CSMD1: variants seen among roughly 807,000 people sequenced by gnomAD.
CSMD1 encodes the protein CUB and sushi domain-containing protein 1.
CSMD1 carries 213 observed loss-of-function variants against 417.5 expected under a neutral mutation model. The ratio of observed to expected loss-of-function variants is 0.51; its 90% confidence interval spans 0.46 to 0.57. CSMD1 has a LOEUF of 0.57. CSMD1 is among the 20% of genes least tolerant of loss of function. The pLI is 0.00. For synonymous variants in CSMD1, 2,862 were observed against 1,736.8 expected, an observed-to-expected ratio of 1.65 and a Z score of -16.11; for missense variants, 6,923 against 4,529.7, an observed-to-expected ratio of 1.53 and a Z score of -15.17.
At chr8:3,448,427 G>GGAAGGAAGGGAGGGAAA in intron 12 of CSMD1, among the ~76,000 whole-genome samples, 1 of 147,144 alleles carries the variant, frequency 6.8e-6, no homozygotes, top group African/African-American at 2.5e-5. Flanking sequence ...AGGGAAGGAA[G>GGAAGGAAGGGAGGGAAA]AAGGAGCAAT....
chr8:3,584,882 A>C (rs1291902040), intron 9 of CSMD1, among the ~76,000 whole-genome samples: 1 of 152,196 alleles, frequency 6.6e-6, no homozygotes, highest in Non-Finnish European at 1.5e-5. Context: ...TGGGAACATG[A>C]ATTTTAGTAC....
intron 3 of CSMD1, among the ~76,000 whole-genome samples, chr8:4,303,005 C>T (rs1380908692): frequency 6.6e-6 from 1 of 151,758 alleles, no homozygotes; most frequent in Non-Finnish European, 1.5e-5. Flanking sequence ...ACACAAAATC[C>T]AAGAAAATCA....
intron 10 of CSMD1, among the ~76,000 whole-genome samples, chr8:3,563,240 A>G (rs1358104270): frequency 5.3e-5 from 8 of 151,922 alleles, no homozygotes; most frequent in African/African-American, 1.9e-4. Flanking sequence ...ACATCTCCGC[A>G]CAAACCGGGA....
intron 3 of CSMD1, among the ~76,000 whole-genome samples, chr8:4,153,120 G>T (rs1253506778): frequency 6.6e-6 from 1 of 152,156 alleles, no homozygotes; most frequent in Non-Finnish European, 1.5e-5. Context: ...AAGGAAAATG[G>T]CAATGTTGTA....
intron 2 of CSMD1, among the ~76,000 whole-genome samples, chr8:4,422,638 C>G (rs1487551305): frequency 6.6e-6 from 1 of 151,996 alleles, no homozygotes; most frequent in Non-Finnish European, 1.5e-5. Flanking sequence ...AAAAAATAAA[C>G]CTGTATTTCT....
chr8:3,140,710 G>A (rs1037453177), intron 41 of CSMD1, among the ~76,000 whole-genome samples: 2 of 146,476 alleles, frequency 1.4e-5, no homozygotes, highest in African/African-American at 5.2e-5. Flanking sequence ...AGGGAAACAA[G>A]TGATTTAACT....
chr8:3,247,947 C>G (rs1308574932), intron 26 of CSMD1, among the ~76,000 whole-genome samples: 2 of 152,174 alleles, frequency 1.3e-5, no homozygotes, highest in Non-Finnish European at 2.9e-5. Flanking sequence ...TTCTCAACCC[C>G]ATTACAACCA....
intron 2 of CSMD1, among the ~76,000 whole-genome samples, chr8:4,425,311 G>C (rs1320872402): frequency 6.6e-6 from 1 of 151,152 alleles, no homozygotes; most frequent in Non-Finnish European, 1.5e-5. Context: ...ACGTATGTAG[G>C]GAAAATATAT....
At chr8:4,842,326 A>C (rs1182975780) in intron 1 of CSMD1, among the ~76,000 whole-genome samples, 1 of 152,248 alleles carries the variant, frequency 6.6e-6, no homozygotes, top group East Asian at 1.9e-4. Flanking sequence ...CCAGAATTCT[A>C]CAATGGACTT....
chr8:3,914,812 C>T (rs1044867107), intron 5 of CSMD1, among the ~76,000 whole-genome samples: 34 of 152,046 alleles, frequency 2.2e-4, no homozygotes, highest in African/African-American at 8.0e-4. Context: ...TTGACATCTA[C>T]TCTACTGAGT....
intron 2 of CSMD1, among the ~76,000 whole-genome samples, chr8:4,433,881 TC>T (rs1798005960): frequency 1.3e-5 from 2 of 152,096 alleles, no homozygotes; most frequent in Admixed American, 6.6e-5. Flanking sequence ...CAGCCCCATT[TC>T]TTTGACAATC....
At chr8:3,969,061 G>C (rs776893908) in intron 5 of CSMD1, among the ~76,000 whole-genome samples, 31 of 152,110 alleles carry the variant, frequency 2.0e-4, no homozygotes, top group Non-Finnish European at 4.4e-4. Flanking sequence ...GACCAGCCTG[G>C]ACAACATGGT....
At chr8:3,125,078 C>A (rs1164790098) in intron 41 of CSMD1, among the ~76,000 whole-genome samples, 4 of 152,164 alleles carry the variant, frequency 2.6e-5, no homozygotes, top group Admixed American at 6.6e-5. Flanking sequence ...TCTCAAATGT[C>A]TTTTCCAAAC....
chr8:4,906,743 A>C (rs1805307215), intron 1 of CSMD1, among the ~76,000 whole-genome samples: 1 of 152,086 alleles, frequency 6.6e-6, no homozygotes, highest in Non-Finnish European at 1.5e-5. Context: ...TTTTTTTAGT[A>C]GAGACGGGGT....
chr8:3,181,451 G>C (rs981911413), intron 36 of CSMD1, among the ~76,000 whole-genome samples: 6 of 152,086 alleles, frequency 3.9e-5, no homozygotes, highest in Non-Finnish European at 7.4e-5. Flanking sequence ...CCTTTCTCTT[G>C]TACAAAAACT....
At chr8:3,712,609 G>T (rs1801591496) in intron 6 of CSMD1, among the ~76,000 whole-genome samples, 1 of 152,168 alleles carries the variant, frequency 6.6e-6, no homozygotes, top group Non-Finnish European at 1.5e-5. Flanking sequence ...ACAAAACATA[G>T]CTTTTGTGTC....
intron 50 of CSMD1, among the ~76,000 whole-genome samples, chr8:3,031,430 G>A (rs532174244): frequency 1.3e-5 from 2 of 152,058 alleles, no homozygotes; most frequent in South Asian, 2.1e-4. Flanking sequence ...AAACCTGCAC[G>A]TTGTGCACAT....
intron 1 of CSMD1, among the ~76,000 whole-genome samples, chr8:4,746,633 A>G (rs1810971881): frequency 1.3e-5 from 2 of 152,206 alleles, no homozygotes; most frequent in South Asian, 4.1e-4. Context: ...GGATAATTAT[A>G]CAATCCAACC....
At chr8:3,828,320 A>G (rs1359806363) in intron 5 of CSMD1, among the ~76,000 whole-genome samples, 2 of 152,204 alleles carry the variant, frequency 1.3e-5, no homozygotes, top group Non-Finnish European at 2.9e-5. Context: ...CTCAGCTTTC[A>G]CTTAAGTATA....
Sources: allele counts gnomAD v4.1 joint callset (sites outside exome capture counted in the v4.1 genomes callset), GRCh38; gene constraint gnomAD v4.1.1; transcripts MANE v1.5; gene names NCBI Gene and HGNC (gene_info 2026-07-23, HGNC 2026-07-21).